The following PDE4B variants were observed in gnomAD, a reference collection of about 807,000 sequenced individuals.
PDE4B encodes 3',5'-cyclic-AMP phosphodiesterase 4B.
In PDE4B, 20 loss-of-function variants were observed where a neutral mutation model predicts 82.2. The observed-to-expected ratio is 0.24, with a 90% CI of 0.17 to 0.35. The LOEUF (loss-of-function observed/expected upper bound fraction) is 0.35, where lower values mean the gene tolerates loss of function less well. Ranked by LOEUF, PDE4B falls within the 10% of genes least tolerant of loss-of-function variation. The pLI is 1.00. For synonymous variants in PDE4B, 320 were observed against 318.9 expected (o/e 1.00, Z -0.04); for missense variants, 655 against 907.2 (o/e 0.72, Z 3.57).
chr1:66,316,028 C>T (rs1361312463), intron 7 of PDE4B, among the ~76,000 whole-genome samples: 1 of 152,222 alleles, frequency 6.6e-6, no homozygotes, highest in Non-Finnish European at 1.5e-5. Context: ...CTAGCCTATT[C>T]AGTTTCAGAA....
intron 1 of PDE4B, among the ~76,000 whole-genome samples, chr1:65,889,051 A>G (rs1646823845): frequency 6.6e-6 from 1 of 152,000 alleles, no homozygotes; most frequent in Non-Finnish European, 1.5e-5. Flanking sequence ...TTCCCCATTC[A>G]GTATGACGTT....
At chr1:66,080,768 T>G (rs1409408573) in intron 3 of PDE4B, among the ~76,000 whole-genome samples, 1 of 152,148 alleles carries the variant, frequency 6.6e-6, no homozygotes, top group Non-Finnish European at 1.5e-5. Flanking sequence ...AACTTTTATT[T>G]TAGAATTGTG....
intron 1 of PDE4B, among the ~76,000 whole-genome samples, chr1:65,877,064 A>G (rs1646652981): frequency 6.6e-6 from 1 of 152,206 alleles, no homozygotes. Flanking sequence ...TTTAAATTTC[A>G]TATGGAACCA....
intron 3 of PDE4B, among the ~76,000 whole-genome samples, chr1:66,186,346 A>C (rs1396021128): frequency 2.0e-5 from 3 of 152,112 alleles, no homozygotes; most frequent in Non-Finnish European, 4.4e-5. Flanking sequence ...ATGAACTTTA[A>C]AGTAGTTTTT....
At chr1:65,820,199 A>G (rs1645937081) in intron 1 of PDE4B, among the ~76,000 whole-genome samples, 1 of 152,234 alleles carries the variant, frequency 6.6e-6, no homozygotes, top group Admixed American at 6.5e-5. Context: ...TCTCTTTGCA[A>G]TTGAAATATT....
intron 3 of PDE4B, among the ~76,000 whole-genome samples, chr1:66,132,780 T>G (rs1478286158): frequency 1.3e-5 from 2 of 152,222 alleles, no homozygotes; most frequent in East Asian, 3.8e-4. Flanking sequence ...GATGGAAACT[T>G]GGGCTCACCA....
intron 3 of PDE4B, among the ~76,000 whole-genome samples, chr1:65,963,280 T>C (rs1223834185): frequency 2.6e-5 from 4 of 152,196 alleles, no homozygotes; most frequent in Non-Finnish European, 5.9e-5. Context: ...GCCCTGCGAC[T>C]GCAGGCAGTG....
At chr1:65,872,900 G>C (rs987411063) in intron 1 of PDE4B, among the ~76,000 whole-genome samples, 2 of 152,090 alleles carry the variant, frequency 1.3e-5, no homozygotes, top group African/African-American at 4.8e-5. Context: ...CTGATAAAAC[G>C]ACTGAGGATT....
intron 3 of PDE4B, among the ~76,000 whole-genome samples, chr1:66,227,637 A>G (rs1651559624): frequency 6.6e-6 from 1 of 152,220 alleles, no homozygotes; most frequent in Non-Finnish European, 1.5e-5. Context: ...CTGAGAACAG[A>G]TTGATACAAA....
chr1:66,056,485 C>CA (rs1655300419), intron 3 of PDE4B, among the ~76,000 whole-genome samples: 2 of 143,574 alleles, frequency 1.4e-5, no homozygotes, highest in Admixed American at 7.0e-5. Flanking sequence ...ATCTATCTAT[C>CA]ATCTATCTAT....
chr1:65,808,212 C>T (rs1645778659), intron 1 of PDE4B, among the ~76,000 whole-genome samples: 1 of 147,706 alleles, frequency 6.8e-6, no homozygotes, highest in Non-Finnish European at 1.5e-5. Context: ...TGATCTGATG[C>T]CCAGGCTGGA....
At chr1:66,053,782 C>T (rs1655159861) in intron 3 of PDE4B, among the ~76,000 whole-genome samples, 1 of 152,100 alleles carries the variant, frequency 6.6e-6, no homozygotes, top group South Asian at 2.1e-4. Context: ...TTGCTTGAAC[C>T]CAGGAGGCAG....
chr1:66,024,889 C>T (rs1338078779), intron 3 of PDE4B, among the ~76,000 whole-genome samples: 2 of 151,662 alleles, frequency 1.3e-5, no homozygotes, highest in Non-Finnish European at 1.5e-5. Context: ...GAGGCAAATA[C>T]AATATTTATA....
At chr1:66,173,430 C>G (rs115742909) in intron 3 of PDE4B, among the ~76,000 whole-genome samples, 1,663 of 152,240 alleles carry the variant, frequency 0.011, 30 homozygotes, top group African/African-American at 0.038. Flanking sequence ...AAGGGTGCTT[C>G]CATTGAAATC....
At position 65,975,279 on chromosome 1, in the gene PDE4B, G is replaced by A. The variant is rs535446383; in HGVS notation, c.281+56444G>A. On this transcript the variant is annotated intron_variant, in intron 3 of 16. Transcript: ENST00000341517. ...CTGTGGAACTTTGAACTTGAGAGAT[G>A]ATTTAGGCTATCTGGTGGAAGAAAC... 3.6e-4 allele frequency among the ~76,000 whole-genome samples: 55 copies of A among 152,340 alleles called. No homozygotes were observed. The South Asian group carries it at 0.011, about 31-fold the overall frequency.
chr1:66,167,942 C>T (rs2101314945), intron 3 of PDE4B, among the ~76,000 whole-genome samples: 1 of 152,292 alleles, frequency 6.6e-6, no homozygotes. Flanking sequence ...TGCACCAATG[C>T]CTCTCTCTTT....
chr1:66,169,074 TC>T (rs1404729012), intron 3 of PDE4B, among the ~76,000 whole-genome samples: 3 of 152,318 alleles, frequency 2.0e-5, no homozygotes, highest in South Asian at 2.1e-4. Context: ...AAACATGCCT[TC>T]TCATTTGATT....
rs575936733 is a variant in PDE4B, at chr1:66,267,373, T to A, written c.634+1286T>A. 25 of 152,328 alleles carry A rather than the reference T, an allele frequency of 1.6e-4. No homozygotes were observed. The East Asian group carries it at 3.1e-3, about 19-fold the overall frequency. The allele number at this position is 152,328 out of a possible 1,614,324, so 9.4% of individuals were successfully genotyped here. On this transcript the variant is annotated intron_variant, in intron 7 of 16. Coordinates refer to ENST00000341517, the MANE Select transcript of PDE4B (RefSeq NM_002600.4). ...CATACTTGGAGATCGAAGGAGGTAG[T>A]TTTGAAACTCCAATCATTTCATCAT...
chr1:65,804,969 G>A (rs1284264085), intron 1 of PDE4B, among the ~76,000 whole-genome samples: 3 of 122,262 alleles, frequency 2.5e-5, no homozygotes, highest in African/African-American at 9.0e-5. Context: ...TTGGGGGGGT[G>A]GGTGGGGGGT....
Sources: allele counts gnomAD v4.1 joint callset (sites outside exome capture counted in the v4.1 genomes callset), GRCh38; gene constraint gnomAD v4.1.1; transcripts MANE v1.5; gene names NCBI Gene and HGNC (gene_info 2026-07-23, HGNC 2026-07-21).